The following WDFY3 variants were observed in gnomAD, a reference collection of about 807,000 sequenced individuals.
WDFY3 encodes WD repeat and FYVE domain containing 3.
A neutral mutation model predicts 409.6 loss-of-function variants in WDFY3; 66 were observed. That is an observed-to-expected ratio of 0.16 (90% CI 0.13 to 0.20). WDFY3 has a LOEUF of 0.20. Ranked by LOEUF, WDFY3 falls within the 10% of genes least tolerant of loss-of-function variation. The pLI, the probability that WDFY3 is intolerant of heterozygous loss-of-function variation, is 1.00. For missense variants in WDFY3, 3,031 were observed against 4,298.1 expected (o/e 0.71, Z 8.24); for synonymous variants, 1,521 against 1,537.1 (o/e 0.99, Z 0.25).
rs17009229 is a variant in WDFY3 at position 84,720,072 on chromosome 4, C to G, written c.7605+1337G>C. Among the ~76,000 whole-genome samples the G allele has an allele frequency of 4.2e-3, 640 of 152,128 alleles. 6 individuals carry two copies. Among genetic ancestry groups the G allele is most frequent in the African/African-American group, 0.015 (624 of 41,496 alleles). ...TCATTCATTCCCTTGTTTATTAAACCAATCATTCCTTCATTCAAAGGTTTA... is the reference window on the plus strand; with the variant it reads ...TCATTCATTCCCTTGTTTATTAAACGAATCATTCCTTCATTCAAAGGTTTA... On this transcript the variant is annotated intron_variant, in intron 47 of 67. Coordinates refer to ENST00000295888, the MANE Select transcript of WDFY3 (RefSeq NM_014991.6).
At chr4:84,870,488 G>A (rs902960641) in intron 3 of WDFY3, among the ~76,000 whole-genome samples, 2 of 152,138 alleles carry the variant, frequency 1.3e-5, no homozygotes, top group Admixed American at 6.6e-5. Context: ...AGGGAGAAAT[G>A]CCGGGACCAC....
At chr4:84,864,595 A>G (rs1468956445) in intron 3 of WDFY3, among the ~76,000 whole-genome samples, 1 of 152,132 alleles carries the variant, frequency 6.6e-6, no homozygotes, top group African/African-American at 2.4e-5. Flanking sequence ...GTTTATTTCT[A>G]CGAATTGCAG....
In WDFY3 at chr4:84,860,611, G is replaced by A. The variant is rs1427002097; in HGVS notation, c.-20C>T. ...GTTCATCTTGGCTGGTTGGTGAGACGCACTTCTAATTCTGTAGGAAAATGT... is the reference window on the plus strand; with the variant it reads ...GTTCATCTTGGCTGGTTGGTGAGACACACTTCTAATTCTGTAGGAAAATGT... On this transcript the variant is annotated 5_prime_UTR_variant, in exon 4 of 68. Transcript: ENST00000295888. 9.5e-6 allele frequency: 15 copies of A among 1,585,424 alleles called. No individual in the cohort carries two copies. Among genetic ancestry groups the A allele is most frequent in the Admixed American group, 1.7e-5 (1 of 58,426 alleles).
Position 84,803,376 on chromosome 4 carries a change from T to C in WDFY3, c.2521A>G (p.Ser841Gly). The C allele has an allele frequency of 6.2e-7, 1 of 1,614,122 alleles. No homozygotes were observed. The highest frequency in any genetic ancestry group is 8.5e-7 in the Non-Finnish European group (1 of 1,180,024). Residue 841 changes from serine to glycine, a missense_variant, in exon 16 of 68, where the codon AGT (serine) becomes GGT (glycine). Ser to Gly is a moderately conservative substitution (Grantham distance 56). Transcript: ENST00000295888. Reference sequence around the variant, plus strand: ...GGATGAATGATGACTGCATCAGAACTCTGCAGAGATGAAGTTGTCACATGT... The same window carrying C: ...GGATGAATGATGACTGCATCAGAACCCTGCAGAGATGAAGTTGTCACATGT... ...KLHVTTSSLQ[S>G]SDAVIIHPGA...
chr4:84,690,845 G>A (rs565445318), intron 60 of WDFY3, among the ~76,000 whole-genome samples, 181 bp from the exon 61 acceptor site: 7 of 152,214 alleles, frequency 4.6e-5, no homozygotes, highest in East Asian at 1.9e-4. Flanking sequence ...TACCCCTACC[G>A]CCTCCAAACT....
intron 56 of WDFY3, 83 bp downstream of exon 56, chr4:84,702,270 C>T (rs1237792029): frequency 7.8e-6 from 11 of 1,415,272 alleles, no homozygotes; most frequent in Middle Eastern, 1.9e-4. Flanking sequence ...ATGTGTGCTG[C>T]AGACAATCTT....
intron 40 of WDFY3, 110 bp downstream of exon 40, chr4:84,738,900 G>A: frequency 9.5e-7 from 1 of 1,047,600 alleles, no homozygotes; most frequent in Non-Finnish European, 1.4e-6. Context: ...GCCCTACTGG[G>A]AGAGTTGCTA....
chr4:84,722,704 A>ATTAATTAATTTTG (rs1735039559), intron 46 of WDFY3, among the ~76,000 whole-genome samples: 2 of 152,214 alleles, frequency 1.3e-5, no homozygotes, highest in Non-Finnish European at 2.9e-5. Flanking sequence ...GCCAAATCAC[A>ATTAATTAATTTTG]CATTTTGATT....
At chr4:84,733,153 G>A (rs1484164738) in intron 44 of WDFY3, among the ~76,000 whole-genome samples, 2 of 152,260 alleles carry the variant, frequency 1.3e-5, no homozygotes, top group East Asian at 3.9e-4. Context: ...TTAAATTTGG[G>A]CAGTCTGGCT....
At chr4:84,924,009 A>AT (rs796984092) in intron 2 of WDFY3, among the ~76,000 whole-genome samples, 1 of 152,244 alleles carries the variant, frequency 6.6e-6, no homozygotes, top group South Asian at 2.1e-4. Context: ...TAATCAGCTT[A>AT]TTTTTTTGTT....
intron 48 of WDFY3, among the ~76,000 whole-genome samples, chr4:84,717,909 G>A (rs1481444661): frequency 5.9e-5 from 9 of 151,744 alleles, no homozygotes; most frequent in South Asian, 2.1e-4. Flanking sequence ...TTAGCCTGGC[G>A]TGGTGGCGGG....
At chr4:84,798,131 T>C (rs1578566386) in intron 17 of WDFY3, 23 bp from the exon 18 acceptor site, 1 of 1,564,104 alleles carries the variant, frequency 6.4e-7, no homozygotes, top group East Asian at 2.2e-5. Context: ...CAAAGCAAAG[T>C]TATTCCTTGA....
Position 84,774,996 on chromosome 4 carries a change from A to G in WDFY3, c.4593-15T>C, listed in dbSNP as rs755320067. ...TTGAGGCTTCACTATAAGAGAAAGAAGATTTTATACACTGTACTATCACCT... is the reference window on the plus strand; with the variant it reads ...TTGAGGCTTCACTATAAGAGAAAGAGGATTTTATACACTGTACTATCACCT... On this transcript the variant is annotated splice_polypyrimidine_tract_variant and intron_variant, in intron 28 of 67. Transcript: ENST00000295888. The G allele has an allele frequency of 6.2e-7, 1 of 1,613,512 alleles. No individual in the cohort carries two copies. Among genetic ancestry groups the G allele is most frequent in the Non-Finnish European group, 8.5e-7 (1 of 1,179,780 alleles).
rs1732428519 is a variant in WDFY3 at position 84,708,830 on chromosome 4, T to G, written c.8217+79A>C. On this transcript the variant is annotated intron_variant, in intron 53 of 67. Coordinates refer to ENST00000295888, the MANE Select transcript of WDFY3 (RefSeq NM_014991.6). ...TGCTAGGATTTTAGGGATGAGCCAC[T>G]GCACCCCACTTCAATTGTCGTATTT... is the stretch of plus-strand genomic sequence containing the variant. The G allele has an allele frequency of 6.6e-6, 10 of 1,514,486 alleles. No individual in the cohort carries two copies. The East Asian group carries it at 2.3e-4, about 35-fold the overall frequency. 93.8% of individuals were successfully genotyped at this position (1,514,486 alleles called of 1,614,324 possible).
chr4:84,718,780 T>C (rs1734375873), intron 47 of WDFY3, among the ~76,000 whole-genome samples: 1 of 152,096 alleles, frequency 6.6e-6, no homozygotes, highest in African/African-American at 2.4e-5. Flanking sequence ...GCCAATCCCA[T>C]CTCTCTCAAT....
chr4:84,908,700 G>A (rs577873780), intron 2 of WDFY3, among the ~76,000 whole-genome samples: 1 of 151,982 alleles, frequency 6.6e-6, no homozygotes, highest in African/African-American at 2.4e-5. Flanking sequence ...TTCCCTTTTA[G>A]AATAAAGGGA....
chr4:84,907,968 G>A (rs973157937), intron 2 of WDFY3, among the ~76,000 whole-genome samples: 6 of 152,158 alleles, frequency 3.9e-5, no homozygotes, highest in African/African-American at 1.4e-4. Context: ...AAGGGGGAAA[G>A]AGTGGGTGTA....
chr4:84,847,646 T>C (rs921066869), intron 5 of WDFY3, among the ~76,000 whole-genome samples: 1 of 144,450 alleles, frequency 6.9e-6, no homozygotes, highest in African/African-American at 2.6e-5. Flanking sequence ...TGGTGGCACG[T>C]GCCTGTAGTC....
chr4:84,787,084 T>C lies in WDFY3; in HGVS notation c.3901+398A>G, dbSNP rs563209840. ...AGAAATGAGGAAAAATAATGTTAAG[T>C]GATCTCATCTAGAGAATATGTGTGT... is the stretch of plus-strand genomic sequence containing the variant. On this transcript the variant is annotated intron_variant, in intron 23 of 67. Transcript: ENST00000295888. Among the ~76,000 whole-genome samples the C allele has an allele frequency of 8.5e-5, 13 of 152,342 alleles. No individual in the cohort carries two copies. In the South Asian group the frequency reaches 2.7e-3, roughly 32 times the overall value.
Sources: gnomAD v4.1 joint callset for allele counts (sites outside exome capture counted in the v4.1 genomes callset) on GRCh38, gnomAD v4.1.1 for gene constraint, MANE v1.5 for transcripts, NCBI Gene and HGNC (gene_info 2026-07-23, HGNC 2026-07-21) for gene names.